MROH1: variants seen among roughly 807,000 people sequenced by gnomAD.
MROH1 encodes maestro heat-like repeat-containing protein family member 1.
MROH1 carries 117 observed loss-of-function variants against 116.5 expected under a neutral mutation model. The ratio of observed to expected loss-of-function variants is 1.00; its 90% CI spans 0.86 to 1.17. MROH1 has a LOEUF of 1.17. MROH1 is among the 50% of genes most tolerant of loss of function. MROH1 has a pLI of 0.00. For missense variants in MROH1, 1,873 were observed against 1,338.5 expected (o/e 1.40, Z -6.23); for synonymous variants, 921 against 583.9 (o/e 1.58, Z -8.32).
In MROH1 at chr8:144,243,623, G is replaced by A. The variant is rs1269552999; in HGVS notation, c.2475+7G>A. Reference sequence around the variant, plus strand: ...GCTGGTGGCACAGATGATGGTGAGCGTGGCCGTGGCCTGGCAGGTCCTCAG... The same window carrying A: ...GCTGGTGGCACAGATGATGGTGAGCATGGCCGTGGCCTGGCAGGTCCTCAG... On this transcript the variant is annotated splice_region_variant and intron_variant, in intron 25 of 43. Coordinates refer to ENST00000326134, the MANE Select transcript of MROH1 (RefSeq NM_032450.3). 19 of 778,630 alleles carry A rather than the reference G, an allele frequency of 2.4e-5. No homozygotes were observed. The highest frequency in any genetic ancestry group is 1.5e-4 in the African/African-American group (9 of 59,140). 48.2% of individuals were successfully genotyped at this position (778,630 alleles called of 1,614,324 possible). A position where few individuals can be genotyped will look rare whatever the true frequency, so the allele number is the denominator to read the frequency against.
intron 37 of MROH1, 34 bp from the exon 38 acceptor site, chr8:144,259,877 G>A (rs914329967): frequency 8.6e-5 from 62 of 722,946 alleles, no homozygotes; most frequent in African/African-American, 6.9e-4. Context: ...TGGGGTCAGC[G>A]GGGAGAGGGA....
At chr8:144,204,830 T>C (rs1185913241) in intron 12 of MROH1, among the ~76,000 whole-genome samples, 1 of 152,250 alleles carries the variant, frequency 6.6e-6, no homozygotes, top group Non-Finnish European at 1.5e-5. Flanking sequence ...TAACTGTTAA[T>C]GCATAAGCCA....
intron 7 of MROH1, among the ~76,000 whole-genome samples, chr8:144,186,687 G>A (rs1827272487): frequency 6.6e-6 from 1 of 152,228 alleles, no homozygotes; most frequent in Admixed American, 6.5e-5. Flanking sequence ...GTCCTGACGG[G>A]GGGGTCACCC....
chr8:144,167,255 G>A (rs961903309), intron 3 of MROH1, among the ~76,000 whole-genome samples: 2 of 145,646 alleles, frequency 1.4e-5, no homozygotes, highest in African/African-American at 2.6e-5. Flanking sequence ...GGTTGTTGGG[G>A]TGGAGTGGCC....
Position 144,179,501 on chromosome 8 carries a change from T to C in MROH1, c.215T>C (p.Val72Ala). Reference protein sequence around the residue: ...RAAVLRAMERVLSSRASELDK... With the variant: ...RAAVLRAMERALSSRASELDK... Reference sequence around the variant, plus strand: ...GCGGTCCTGAGGGCCATGGAGAGGGTCCTGAGCAGTCGCGCCAGTGAGCTG... The same window carrying C: ...GCGGTCCTGAGGGCCATGGAGAGGGCCCTGAGCAGTCGCGCCAGTGAGCTG... Residue 72 changes from valine to alanine, a missense_variant, in exon 5 of 44, where the codon GTC (valine) becomes GCC (alanine). Coordinates refer to ENST00000326134, the MANE Select transcript of MROH1 (RefSeq NM_032450.3). 3 of 1,613,470 alleles carry C rather than the reference T, an allele frequency of 1.9e-6. No homozygotes were observed. Among genetic ancestry groups the C allele is most frequent in the Non-Finnish European group, 2.5e-6 (3 of 1,179,786 alleles).
At chr8:144,234,496 TCG>T (rs1366888559) in intron 14 of MROH1, among the ~76,000 whole-genome samples, 5 of 130,878 alleles carry the variant, frequency 3.8e-5, no homozygotes, top group African/African-American at 5.6e-5. Flanking sequence ...TCTTTCTTTT[TCG>T]TTTTTTTTTT....
chr8:144,248,529 G>A (rs1842291698), intron 31 of MROH1, among the ~76,000 whole-genome samples: 1 of 152,150 alleles, frequency 6.6e-6, no homozygotes. Flanking sequence ...CCTTGACCCC[G>A]TGTTCTAGAG....
chr8:144,223,088 C>T lies in MROH1; in HGVS notation c.1216-20C>T. The T allele has an allele frequency of 6.2e-7, 1 of 1,613,078 alleles. No homozygotes were observed. ...AGTCTCTGCGTCCCCTTCCTGATCT[C>T]CCATTTGTTCTCTGGGCAGGTGAAG... On this transcript the variant is annotated intron_variant, in intron 13 of 43. Transcript: ENST00000326134.
At chr8:144,158,468 G>A (rs1818702739) in intron 1 of MROH1, among the ~76,000 whole-genome samples, 1 of 152,096 alleles carries the variant, frequency 6.6e-6, no homozygotes, top group African/African-American at 2.4e-5. Flanking sequence ...TTTTTTTCCT[G>A]CACATTCTCT....
Position 144,261,663 on chromosome 8 carries a change from A to G in MROH1, c.4849A>G (p.Ile1617Val). The G allele has an allele frequency of 1.4e-6, 1 of 722,336 alleles. No individual in the cohort carries two copies. Among genetic ancestry groups the G allele is most frequent in the East Asian group, 2.6e-5 (1 of 37,960 alleles). The allele number at this position is 722,336 out of a possible 1,614,324, so 44.7% of individuals were successfully genotyped here. A position where few individuals can be genotyped will look rare whatever the true frequency, so the allele number is the denominator to read the frequency against. Residue 1617 changes from isoleucine (I) to valine (V), a missense_variant, in exon 44 of 44, where the codon ATC becomes GTC. Transcript: ENST00000326134. The stretch of plus-strand genomic sequence containing the variant: ...CCCTCCTCTACCCCCAGCGCTCCAG[A>G]TCCTGCTGAAGGACCCGGCCCCCGA... Reference protein sequence around the residue: ...DLDQLIAALQILLKDPAPEVR... With the variant: ...DLDQLIAALQVLLKDPAPEVR...
chr8:144,257,281 C>T (rs1481570527), intron 35 of MROH1, among the ~76,000 whole-genome samples: 6 of 152,170 alleles, frequency 3.9e-5, no homozygotes, highest in African/African-American at 1.2e-4. Context: ...GGAGGGAACC[C>T]GTGAGAGAGA....
At chr8:144,199,606 C>T (rs1830665682) in intron 11 of MROH1, among the ~76,000 whole-genome samples, 1 of 152,174 alleles carries the variant, frequency 6.6e-6, no homozygotes, top group Non-Finnish European at 1.5e-5. Flanking sequence ...CCTGGAGGTG[C>T]CATGCATCCT....
chr8:144,230,751 A>G (rs1185869984), intron 14 of MROH1, among the ~76,000 whole-genome samples: 7 of 149,520 alleles, frequency 4.7e-5, no homozygotes, highest in African/African-American at 1.7e-4. Context: ...CTTTGGTAGA[A>G]TTCACCAGTG....
In MROH1 at chr8:144,245,167, A is replaced by T; in HGVS notation, c.2778A>T (p.Pro926=). The T allele has an allele frequency of 1.3e-6, 1 of 779,176 alleles. No homozygotes were observed. The highest frequency in any genetic ancestry group is 1.7e-5 in the African/African-American group (1 of 59,234). The allele number at this position is 779,176 out of a possible 1,614,324, so 48.3% of individuals were successfully genotyped here. A position where few individuals can be genotyped will look rare whatever the true frequency, so the allele number is the denominator to read the frequency against. Residue 926 remains proline, a synonymous_variant, in exon 29 of 44, where the codon CCA becomes CCT. Transcript: ENST00000326134. ...CCCCTCTTCCTCAGCACCTGAGCCC[A>T]TGGATCAAGTCCCCAAGAGGTCACG... The part of the protein sequence containing the change: ...GLQIMIEHLS[P]WIKSPRGHER...
At chr8:144,151,247 C>CAAAAAAA (rs1160118892) in intron 1 of MROH1, among the ~76,000 whole-genome samples, 1 of 22,966 alleles carries the variant, frequency 4.4e-5, no homozygotes, top group African/African-American at 1.3e-4. Context: ...TATTCTGTCT[C>CAAAAAAA]AAAAAAAAAA....
chr8:144,186,690 G>T (rs1337777926), intron 7 of MROH1, among the ~76,000 whole-genome samples: 1 of 152,228 alleles, frequency 6.6e-6, no homozygotes, highest in Non-Finnish European at 1.5e-5. Flanking sequence ...CTGACGGGGG[G>T]GTCACCCCAG....
chr8:144,196,183 G>C (rs750000575), intron 10 of MROH1, among the ~76,000 whole-genome samples: 1 of 151,154 alleles, frequency 6.6e-6, no homozygotes, highest in African/African-American at 2.4e-5. Context: ...CCAACTACTC[G>C]GGAGGCTGAG....
Position 144,260,122 on chromosome 8 carries a change from ACCCTGTCTTGTG to A in MROH1, c.4192-63_4192-52del. 4 of 752,190 alleles carry A rather than the reference ACCCTGTCTTGTG, an allele frequency of 5.3e-6. No homozygotes were observed. In the South Asian group the frequency reaches 5.5e-5, roughly 10 times the overall value. The allele number at this position is 752,190 out of a possible 1,614,324, so 46.6% of individuals were successfully genotyped here. On this transcript the variant is annotated intron_variant, in intron 38 of 43. Coordinates refer to ENST00000326134, the MANE Select transcript of MROH1 (RefSeq NM_032450.3). Reference sequence around the variant, plus strand: ...GGGTGGGGGGCTGTGCATGGAGGCCACCCTGTCTTGTGGGGTAGCAGACGGTGACTCTGGGAC... The same window carrying A: ...GGGTGGGGGGCTGTGCATGGAGGCCAGGGTAGCAGACGGTGACTCTGGGAC...
intron 4 of MROH1, among the ~76,000 whole-genome samples, chr8:144,175,307 G>A (rs1424454189): frequency 6.8e-6 from 1 of 148,048 alleles, no homozygotes; most frequent in Non-Finnish European, 1.5e-5. Context: ...AACGGGTCCA[G>A]TCGGATGGGT....
Sources: gnomAD v4.1 joint callset for allele counts (sites outside exome capture counted in the v4.1 genomes callset) on GRCh38, gnomAD v4.1.1 for gene constraint, MANE v1.5 for transcripts, NCBI Gene and HGNC (gene_info 2026-07-23, HGNC 2026-07-21) for gene names.